The following CTNNA2 variants were observed in gnomAD, a reference collection of about 807,000 sequenced individuals.
CTNNA2 encodes catenin alpha 2.
In CTNNA2, 42 loss-of-function variants were observed where a neutral mutation model predicts 101.0. That is an observed-to-expected ratio of 0.42 (90% CI 0.32 to 0.54). The LOEUF (loss-of-function observed/expected upper bound fraction) is 0.54. CTNNA2 is among the 20% of genes least tolerant of loss of function. CTNNA2 has a pLI of 0.14. For synonymous variants in CTNNA2, 450 were observed against 456.4 expected, an observed-to-expected ratio of 0.99 and a Z score of 0.18; for missense variants, 871 against 1,223.1, an observed-to-expected ratio of 0.71 and a Z score of 4.29.
At chr2:79,829,422 A>ACAC (rs1553376366) in intron 3 of CTNNA2, among the ~76,000 whole-genome samples, 73 of 123,944 alleles carry the variant, frequency 5.9e-4, no homozygotes, top group East Asian at 2.2e-3. Flanking sequence ...CACAGACACA[A>ACAC]AGCCGGGCGA....
chr2:79,844,399 A>G (rs1680048647), intron 3 of CTNNA2, among the ~76,000 whole-genome samples: 1 of 152,256 alleles, frequency 6.6e-6, no homozygotes, highest in South Asian at 2.1e-4. Flanking sequence ...AATATGGAGC[A>G]TATTATTTGA....
At chr2:79,917,945 T>C (rs1460316959) in intron 7 of CTNNA2, among the ~76,000 whole-genome samples, 2 of 152,150 alleles carry the variant, frequency 1.3e-5, no homozygotes, top group Non-Finnish European at 2.9e-5. Context: ...GGAACACAGA[T>C]GTAGGTAACA....
intron 2 of CTNNA2, among the ~76,000 whole-genome samples, chr2:79,207,489 G>A (rs1674115163): frequency 6.6e-6 from 1 of 152,120 alleles, no homozygotes; most frequent in Non-Finnish European, 1.5e-5. Flanking sequence ...CAGCCACAGT[G>A]GGCCCTCATT....
chr2:80,032,078 T>G (rs1471641175), intron 7 of CTNNA2, among the ~76,000 whole-genome samples: 3 of 152,198 alleles, frequency 2.0e-5, no homozygotes, highest in Non-Finnish European at 4.4e-5. Flanking sequence ...ACCCTTTTCC[T>G]TGATACTCCA....
intron 7 of CTNNA2, among the ~76,000 whole-genome samples, chr2:80,231,185 G>A (rs1000544594): frequency 1.3e-5 from 2 of 152,040 alleles, no homozygotes; most frequent in South Asian, 2.1e-4. Context: ...TGTTGGCCAG[G>A]CTGGTCTCTT....
chr2:79,349,344 G>T (rs1399725212), intron 3 of CTNNA2, among the ~76,000 whole-genome samples: 1 of 152,176 alleles, frequency 6.6e-6, no homozygotes, highest in Non-Finnish European at 1.5e-5. Flanking sequence ...TAACTCATGG[G>T]TTTCAGACAT....
intron 7 of CTNNA2, among the ~76,000 whole-genome samples, chr2:80,364,161 AG>A (rs1674679994): frequency 6.6e-6 from 1 of 152,126 alleles, no homozygotes; most frequent in Non-Finnish European, 1.5e-5. Flanking sequence ...ATCTGATTTA[AG>A]TTTTGCCTCA....
intron 2 of CTNNA2, among the ~76,000 whole-genome samples, chr2:79,739,380 G>A (rs1202999927): frequency 6.6e-6 from 1 of 152,116 alleles, no homozygotes; most frequent in Admixed American, 6.6e-5. Flanking sequence ...CTTAAAGAAA[G>A]TATGCTTACA....
chr2:79,218,308 A>G (rs1674293077), intron 2 of CTNNA2, among the ~76,000 whole-genome samples: 1 of 72,624 alleles, frequency 1.4e-5, no homozygotes, highest in Non-Finnish European at 3.0e-5. Flanking sequence ...ATCTTCATGA[A>G]CTTTGTGTGT....
intron 2 of CTNNA2, among the ~76,000 whole-genome samples, chr2:79,724,139 G>A (rs1314960294): frequency 6.6e-6 from 1 of 152,044 alleles, no homozygotes; most frequent in Non-Finnish European, 1.5e-5. Flanking sequence ...GCATCATAGT[G>A]CCTAATAGCT....
chr2:79,788,876 C>A (rs1164461045), intron 3 of CTNNA2, among the ~76,000 whole-genome samples: 2 of 152,128 alleles, frequency 1.3e-5, no homozygotes, highest in Admixed American at 1.3e-4. Flanking sequence ...GTAAAAGAAA[C>A]ACAAAGCAAT....
chr2:79,930,323 AG>A (rs1687342738), intron 7 of CTNNA2, among the ~76,000 whole-genome samples: 1 of 145,510 alleles, frequency 6.9e-6, no homozygotes, highest in Non-Finnish European at 1.5e-5. Context: ...AAAGAAAGAA[AG>A]AAAGAAAGAA....
At chr2:80,630,111 C>T (rs1672119490) in intron 18 of CTNNA2, among the ~76,000 whole-genome samples, 1 of 152,122 alleles carries the variant, frequency 6.6e-6, no homozygotes, top group Non-Finnish European at 1.5e-5. Flanking sequence ...CTAGATCTAC[C>T]TCTTTGCCTG....
chr2:80,254,552 C>T (rs990100288), intron 7 of CTNNA2, among the ~76,000 whole-genome samples: 3 of 152,054 alleles, frequency 2.0e-5, no homozygotes, highest in East Asian at 1.9e-4. Flanking sequence ...AGCTAAGGGT[C>T]GACTGACCTA....
intron 1 of CTNNA2, among the ~76,000 whole-genome samples, chr2:79,194,244 G>A (rs1226182767): frequency 6.6e-6 from 1 of 152,154 alleles, no homozygotes; most frequent in African/African-American, 2.4e-5. Flanking sequence ...AACTGTTGGT[G>A]GAGGGCAAGC....
chr2:80,485,972 G>A (rs577077019), intron 9 of CTNNA2, among the ~76,000 whole-genome samples: 1 of 151,234 alleles, frequency 6.6e-6, no homozygotes, highest in Non-Finnish European at 1.5e-5. Flanking sequence ...TTTTGCATTT[G>A]TGTGACATTA....
chr2:80,027,565 C>CA (rs1695011415), intron 7 of CTNNA2, among the ~76,000 whole-genome samples: 3 of 152,142 alleles, frequency 2.0e-5, no homozygotes, highest in Non-Finnish European at 4.4e-5. Context: ...CCAGCTCCGG[C>CA]AAGAGAGGTT....
intron 2 of CTNNA2, among the ~76,000 whole-genome samples, chr2:79,660,151 CA>C (rs1681920367): frequency 6.6e-6 from 1 of 151,106 alleles, no homozygotes; most frequent in African/African-American, 2.4e-5. Context: ...TATACACACA[CA>C]AGTAGTATGT....
chr2:79,983,986 T>C (rs944119327), intron 7 of CTNNA2, among the ~76,000 whole-genome samples: 1 of 152,080 alleles, frequency 6.6e-6, no homozygotes, highest in African/African-American at 2.4e-5. Context: ...TTAAAAAAAA[T>C]AAAAGCAGGT....
Sources: allele counts gnomAD v4.1 joint callset (sites outside exome capture counted in the v4.1 genomes callset), GRCh38; gene constraint gnomAD v4.1.1; transcripts MANE v1.5; gene names NCBI Gene and HGNC (gene_info 2026-07-23, HGNC 2026-07-21).